ZNF609: variants seen among roughly 807,000 people sequenced by gnomAD.
The protein encoded by ZNF609 is zinc finger protein 609.
Under a neutral mutation model 109.5 loss-of-function variants are expected in ZNF609, and 11 were observed. The ratio of observed to expected loss-of-function variants is 0.10; its 90% CI spans 0.06 to 0.17. ZNF609 has a LOEUF of 0.17. Ranked by LOEUF, ZNF609 falls within the 10% of genes least tolerant of loss-of-function variation. The pLI is 1.00. For synonymous variants in ZNF609, 646 were observed against 662.0 expected (o/e 0.98, Z 0.37); for missense variants, 1,559 against 1,772.4 (o/e 0.88, Z 2.16).
intron 3 of ZNF609, among the ~76,000 whole-genome samples, chr15:64,636,641 T>G (rs1185918044): frequency 6.6e-6 from 1 of 152,236 alleles, no homozygotes; most frequent in Non-Finnish European, 1.5e-5. Context: ...GCTTACTCCT[T>G]AGAATTATAC....
intron 1 of ZNF609, among the ~76,000 whole-genome samples, chr15:64,472,013 T>C (rs1893098482): frequency 6.6e-6 from 1 of 151,590 alleles, no homozygotes; most frequent in Admixed American, 6.6e-5. Context: ...TGGGTTCAAG[T>C]GATTCTCCTG....
chr15:64,533,598 C>A (rs1894094114), intron 2 of ZNF609, among the ~76,000 whole-genome samples: 1 of 152,158 alleles, frequency 6.6e-6, no homozygotes, highest in African/African-American at 2.4e-5. Context: ...CTAGTTCATC[C>A]CCCTCCTTGT....
At chr15:64,544,244 G>A (rs964833295) in intron 2 of ZNF609, among the ~76,000 whole-genome samples, 2 of 152,156 alleles carry the variant, frequency 1.3e-5, no homozygotes, top group East Asian at 1.9e-4. Flanking sequence ...GGAGGCTGAG[G>A]CAGGAGAATC....
In ZNF609 at chr15:64,646,939, C is replaced by CAAAAAA. The variant is rs10628744; in HGVS notation, c.974-23389_974-23384dup. 9.7e-4 allele frequency among the ~76,000 whole-genome samples: 58 copies of CAAAAAA among 59,768 alleles called. 1 individual carries two copies. The highest frequency in any genetic ancestry group is 3.8e-3 in the African/African-American group (54 of 14,254). 39.2% of individuals were successfully genotyped at this position (59,768 alleles called of 152,430 possible). ...TGGATGACAGAGGGAGACTCTGTCT[C>CAAAAAA]AAAAAAAAAAAAAAAAAAAAAAATC... On this transcript the variant is annotated intron_variant, in intron 3 of 9. Transcript: ENST00000326648.
intron 2 of ZNF609, among the ~76,000 whole-genome samples, chr15:64,582,464 G>T (rs1480825804): frequency 6.6e-6 from 1 of 152,138 alleles, no homozygotes; most frequent in Non-Finnish European, 1.5e-5. Flanking sequence ...ACCACTGTTT[G>T]TACTGAGCAT....
chr15:64,498,790 A>G (rs913680970), intron 1 of ZNF609, among the ~76,000 whole-genome samples: 5 of 152,072 alleles, frequency 3.3e-5, no homozygotes, highest in Non-Finnish European at 5.9e-5. Context: ...TTCCTTCCCA[A>G]TAGTAGGAGG....
intron 2 of ZNF609, among the ~76,000 whole-genome samples, chr15:64,582,851 A>G (rs980859404): frequency 3.7e-5 from 5 of 135,956 alleles, no homozygotes; most frequent in African/African-American, 5.4e-5. Context: ...TCCCAGGTTC[A>G]TGCCATTCTC....
intron 2 of ZNF609, among the ~76,000 whole-genome samples, chr15:64,528,258 C>T (rs1893999784): frequency 6.6e-6 from 1 of 151,672 alleles, no homozygotes; most frequent in Non-Finnish European, 1.5e-5. Flanking sequence ...CCACCACGCC[C>T]AGCTAATTTT....
At chr15:64,657,717 G>A (rs1308529198) in intron 3 of ZNF609, among the ~76,000 whole-genome samples, 4 of 152,170 alleles carry the variant, frequency 2.6e-5, no homozygotes, top group African/African-American at 9.7e-5. Context: ...AAAGACTATT[G>A]GGATAGTCTA....
At chr15:64,615,179 G>C (rs930287459) in intron 2 of ZNF609, among the ~76,000 whole-genome samples, 1 of 152,004 alleles carries the variant, frequency 6.6e-6, no homozygotes, top group Non-Finnish European at 1.5e-5. Flanking sequence ...AGGCTAGAGT[G>C]CAGTGGTAGT....
At chr15:64,593,427 A>G (rs1895336932) in intron 2 of ZNF609, 1 of 689,382 alleles carries the variant, frequency 1.5e-6, no homozygotes. Context: ...TTTAAGTTAT[A>G]GCTAATTGAC....
intron 2 of ZNF609, among the ~76,000 whole-genome samples, chr15:64,553,133 C>T (rs1014303080): frequency 3.3e-5 from 5 of 152,288 alleles, no homozygotes; most frequent in Middle Eastern, 3.4e-3. Flanking sequence ...GGCATTACTA[C>T]ATGTCTTGAT....
At chr15:64,619,474 A>C (rs116944763) in intron 2 of ZNF609, among the ~76,000 whole-genome samples, 1 of 152,334 alleles carries the variant, frequency 6.6e-6, no homozygotes, top group East Asian at 1.9e-4. Context: ...AATGGTAATT[A>C]ACAGAGCTGG....
At chr15:64,633,531 C>T (rs767164278) in intron 3 of ZNF609, among the ~76,000 whole-genome samples, 2 of 152,106 alleles carry the variant, frequency 1.3e-5, no homozygotes, top group African/African-American at 4.8e-5. Context: ...CCTCCTGCCT[C>T]GGCCTCCCAA....
chr15:64,631,145 T>G, intron 3 of ZNF609: 1 of 589,936 alleles, frequency 1.7e-6, no homozygotes, highest in South Asian at 1.5e-5. Flanking sequence ...GTTCCAGCAG[T>G]TCAGGCTCCT....
At chr15:64,648,745 CAAAA>C (rs1162012248) in intron 3 of ZNF609, among the ~76,000 whole-genome samples, 3 of 72,404 alleles carry the variant, frequency 4.1e-5, no homozygotes, top group African/African-American at 1.0e-4. Context: ...CACCACATAC[CAAAA>C]AAAAAAAAAA....
chr15:64,616,812 CTTTTTTTTTT>C (rs56338576), intron 2 of ZNF609, among the ~76,000 whole-genome samples: 76 of 32,854 alleles, frequency 2.3e-3, no homozygotes, highest in African/African-American at 0.011. Context: ...AGCCACCATG[CTTTTTTTTTT>C]TTTTTTTTTT....
At chr15:64,611,405 G>A (rs1316248914) in intron 2 of ZNF609, among the ~76,000 whole-genome samples, 1 of 152,192 alleles carries the variant, frequency 6.6e-6, no homozygotes, top group Non-Finnish European at 1.5e-5. Context: ...CTTTACCACA[G>A]TAATGGACAC....
Position 64,680,720 on chromosome 15 carries a change from C to T in ZNF609, c.4020C>T (p.Ser1340=), listed in dbSNP as rs371339151. Residue 1340 remains serine (S), a synonymous_variant, in exon 8 of 10, where the codon AGC becomes AGT. Coordinates refer to ENST00000326648, the MANE Select transcript of ZNF609 (RefSeq NM_015042.2). The stretch of plus-strand genomic sequence containing the variant: ...TTGGGGGTGGTGGCAGCTGTAGCAG[C>T]GTCGGGGGAGCAAGTGGGGGTGAAC... The part of the protein sequence containing the change: ...GVVGGGGSCS[S]VGGASGGERS... 1.2e-5 allele frequency: 19 copies of T among 1,611,748 alleles called. No homozygotes were observed. The highest frequency in any genetic ancestry group is 4.0e-5 in the African/African-American group (3 of 74,520).
Sources: allele counts gnomAD v4.1 joint callset (sites outside exome capture counted in the v4.1 genomes callset), GRCh38; gene constraint gnomAD v4.1.1; transcripts MANE v1.5; gene names NCBI Gene and HGNC (gene_info 2026-07-23, HGNC 2026-07-21).